Variants in WWC2 observed in about 807,000 individuals in gnomAD.
WWC2 encodes the protein WW and C2 domain containing 2, also known as protein WWC2.
WWC2 carries 101 observed loss-of-function variants against 138.5 expected under a neutral mutation model. The observed-to-expected ratio is 0.73, with a 90% CI of 0.62 to 0.86. The LOEUF is 0.86. Ranked by LOEUF, WWC2 falls within the 40% of genes least tolerant of loss-of-function variation. WWC2 has a pLI of 0.00. For synonymous variants in WWC2, 558 were observed against 538.4 expected, an observed-to-expected ratio of 1.04 and a Z score of -0.50; for missense variants, 1,420 against 1,419.4, an observed-to-expected ratio of 1.00 and a Z score of -0.01.
At chr4:183,264,957 C>T (rs1295640813) in intron 11 of WWC2, 21 bp from the exon 12 acceptor site, 2 of 1,604,946 alleles carry the variant, frequency 1.2e-6, no homozygotes, top group East Asian at 2.2e-5. Flanking sequence ...CTGATTAGTG[C>T]TCTCACCCTC....
chr4:183,223,812 C>T (rs1482165792), intron 4 of WWC2, among the ~76,000 whole-genome samples: 6 of 152,180 alleles, frequency 3.9e-5, no homozygotes, highest in Non-Finnish European at 7.3e-5. Flanking sequence ...CTCACTGCAA[C>T]GTCTGCCTCC....
chr4:183,240,057 G>T (rs1736568063), intron 4 of WWC2, 126 bp from the exon 5 acceptor site: 1 of 649,546 alleles, frequency 1.5e-6, no homozygotes, highest in East Asian at 2.9e-5. Context: ...AACTGATAAA[G>T]TAAATGTTAC....
At chr4:183,156,714 G>A (rs570371840) in intron 1 of WWC2, among the ~76,000 whole-genome samples, 1 of 152,274 alleles carries the variant, frequency 6.6e-6, no homozygotes, top group South Asian at 2.1e-4. Context: ...TGATCAGAAA[G>A]TACACATTGG....
rs151323589 is a variant in WWC2 at position 183,227,365 on chromosome 4, C to A, written c.523-12818C>A. Among the ~76,000 whole-genome samples, 61 of 152,148 alleles carry A rather than the reference C, an allele frequency of 4.0e-4. No individual in the cohort carries two copies. The East Asian group carries it at 0.011, about 28-fold the overall frequency. On this transcript the variant is annotated intron_variant, in intron 4 of 22. Transcript: ENST00000403733. ...GATGCACGTCTTCTCCAGAGTAATA[C>A]ACCTTCAACTAGTGCTTTCAGTAGG...
chr4:183,237,368 T>C (rs1397320113), intron 4 of WWC2, among the ~76,000 whole-genome samples: 1 of 152,138 alleles, frequency 6.6e-6, no homozygotes, highest in Non-Finnish European at 1.5e-5. Context: ...AATGCTGTTC[T>C]AAATAGAAAT....
chr4:183,136,743 T>A (rs1472078493), intron 1 of WWC2, among the ~76,000 whole-genome samples: 4 of 152,230 alleles, frequency 2.6e-5, no homozygotes, highest in Non-Finnish European at 5.9e-5. Flanking sequence ...AAAATTTTTT[T>A]AAAGCTCATC....
chr4:183,275,217 T>C (rs1025708486), intron 16 of WWC2, among the ~76,000 whole-genome samples: 3 of 151,982 alleles, frequency 2.0e-5, no homozygotes, highest in Admixed American at 6.6e-5. Context: ...TTTTAGTGGA[T>C]TCCATTAGAT....
chr4:183,159,489 C>T (rs943602017), intron 1 of WWC2, among the ~76,000 whole-genome samples: 17 of 152,224 alleles, frequency 1.1e-4, no homozygotes, highest in South Asian at 4.2e-4. Flanking sequence ...ACTGCAGACT[C>T]GACTTCCCGA....
chr4:183,313,024 G>A (rs996822904), intron 22 of WWC2, among the ~76,000 whole-genome samples: 1 of 152,174 alleles, frequency 6.6e-6, no homozygotes, highest in African/African-American at 2.4e-5. Flanking sequence ...AGGTGCTGGG[G>A]CTGCGGGCAC....
chr4:183,249,929 A>G lies in WWC2; in HGVS notation c.889A>G (p.Arg297Gly). The G allele has an allele frequency of 1.2e-6, 2 of 1,613,614 alleles. No individual in the cohort carries two copies. Among genetic ancestry groups the G allele is most frequent in the East Asian group, 4.5e-5 (2 of 44,886 alleles). Residue 297 changes from arginine to glycine, a missense_variant, in exon 8 of 23, where the codon AGA (arginine) becomes GGA (glycine). Physicochemically the swap from Arg to Gly is moderately radical, Grantham distance 125. Transcript: ENST00000403733. ...QTSISGDIGV[R>G]SRSNLAEKVR... Reference sequence around the variant, plus strand: ...TTTCTTTTTCCACTAGATTGGAGTAAGAAGTAGATCAAATTTAGCTGAAAA... The same window carrying G: ...TTTCTTTTTCCACTAGATTGGAGTAGGAAGTAGATCAAATTTAGCTGAAAA...
chr4:183,117,838 A>T (rs1461054324), intron 1 of WWC2, among the ~76,000 whole-genome samples: 5 of 147,986 alleles, frequency 3.4e-5, no homozygotes, highest in African/African-American at 1.3e-4. Context: ...CCCAGGCTGG[A>T]GTGCCAGGCT....
intron 1 of WWC2, among the ~76,000 whole-genome samples, chr4:183,153,763 A>G (rs1733713609): frequency 1.3e-5 from 2 of 149,654 alleles, no homozygotes; most frequent in African/African-American, 5.0e-5. Context: ...TTCCGACCTC[A>G]GGCTCCTGAG....
At chr4:183,262,617 C>T (rs542562338) in intron 11 of WWC2, among the ~76,000 whole-genome samples, 5 of 152,308 alleles carry the variant, frequency 3.3e-5, no homozygotes, top group South Asian at 2.1e-4. Flanking sequence ...GTGGTTTGTG[C>T]GCCCTCTCCT....
intron 9 of WWC2, among the ~76,000 whole-genome samples, chr4:183,255,944 A>AG (rs899948413): frequency 6.6e-6 from 1 of 150,482 alleles, no homozygotes; most frequent in Non-Finnish European, 1.5e-5. Context: ...CATTAGGAAG[A>AG]GGAGCTATAA....
intron 1 of WWC2, among the ~76,000 whole-genome samples, chr4:183,184,141 C>A (rs1035869583): frequency 2.0e-5 from 3 of 152,078 alleles, no homozygotes; most frequent in Non-Finnish European, 4.4e-5. Flanking sequence ...TTCTATTTAC[C>A]CCTTTCCTTG....
intron 11 of WWC2, among the ~76,000 whole-genome samples, chr4:183,262,586 G>A (rs1737363532): frequency 6.6e-6 from 1 of 152,376 alleles, no homozygotes; most frequent in African/African-American, 2.4e-5. Flanking sequence ...GGGCCTGTGG[G>A]AGGGCCCATG....
intron 5 of WWC2, 131 bp from the exon 6 acceptor site, chr4:183,245,285 A>T: frequency 2.0e-6 from 1 of 489,936 alleles, no homozygotes; most frequent in Non-Finnish European, 3.1e-6. Flanking sequence ...TGAAAAGATG[A>T]TTGCTGGTAT....
At chr4:183,208,344 C>A (rs942717308) in intron 3 of WWC2, among the ~76,000 whole-genome samples, 188 bp downstream of exon 3, 5 of 152,222 alleles carry the variant, frequency 3.3e-5, no homozygotes, top group Non-Finnish European at 4.4e-5. Context: ...ATAAAAGAAT[C>A]CCTGTTTGGG....
chr4:183,296,756 A>G (rs1738640933), intron 21 of WWC2, among the ~76,000 whole-genome samples: 1 of 151,558 alleles, frequency 6.6e-6, no homozygotes, highest in Non-Finnish European at 1.5e-5. Context: ...ACGCGGTGAA[A>G]CCCCCTCTCT....
Sources: gnomAD v4.1 joint callset for allele counts (sites outside exome capture counted in the v4.1 genomes callset) on GRCh38, gnomAD v4.1.1 for gene constraint, MANE v1.5 for transcripts, NCBI Gene and HGNC (gene_info 2026-07-23, HGNC 2026-07-21) for gene names.